The following SLC9B1 variants were observed in gnomAD, a reference collection of about 807,000 sequenced individuals.
The protein encoded by SLC9B1 is solute carrier family 9 member B1.
In SLC9B1, 32 loss-of-function variants were observed where a neutral mutation model predicts 51.7. That is an observed-to-expected ratio of 0.62 (90% CI 0.47 to 0.83). The LOEUF is 0.83. Among genes scored for constraint, SLC9B1 ranks in the 40% least tolerant of loss-of-function variants. The pLI is 0.00. For synonymous variants in SLC9B1, 145 were observed against 212.7 expected (o/e 0.68, Z 2.77); for missense variants, 406 against 613.2 (o/e 0.66, Z 3.57).
intron 2 of SLC9B1, 42 bp from the exon 3 acceptor site, chr4:102,989,983 G>C: frequency 2.7e-6 from 4 of 1,496,242 alleles, no homozygotes; most frequent in Non-Finnish European, 3.6e-6. Context: ...CATACTTTCT[G>C]TATAATTTTA....
chr4:102,947,401 G>A (rs1424086776), intron 4 of SLC9B1, among the ~76,000 whole-genome samples: 2 of 152,094 alleles, frequency 1.3e-5, no homozygotes, highest in Non-Finnish European at 2.9e-5. Context: ...TTGAGGACAG[G>A]GTCTCATTCT....
chr4:102,997,757 C>T (rs902169932), intron 1 of SLC9B1, among the ~76,000 whole-genome samples: 5 of 151,994 alleles, frequency 3.3e-5, no homozygotes, highest in Admixed American at 1.3e-4. Flanking sequence ...GATCTGTTGG[C>T]GATAAATTCC....
intron 3 of SLC9B1, among the ~76,000 whole-genome samples, chr4:102,986,592 A>G (rs1380530975): frequency 6.6e-6 from 1 of 151,884 alleles, no homozygotes. Context: ...TTTCCTTTTG[A>G]TATTCCCATT....
intron 3 of SLC9B1, among the ~76,000 whole-genome samples, chr4:102,983,624 A>G (rs1334305704): frequency 1.3e-5 from 2 of 152,162 alleles, no homozygotes; most frequent in Admixed American, 1.3e-4. Context: ...TGTGTCTTTC[A>G]AGGAATTGGT....
At chr4:102,973,944 G>C (rs1032397548) in intron 3 of SLC9B1, among the ~76,000 whole-genome samples, 2 of 152,086 alleles carry the variant, frequency 1.3e-5, no homozygotes, top group African/African-American at 4.8e-5. Context: ...AGTTTGGAAA[G>C]AGAAAAAGAG....
intron 3 of SLC9B1, among the ~76,000 whole-genome samples, chr4:102,960,825 C>T (rs1303759517): frequency 5.9e-5 from 9 of 151,614 alleles, no homozygotes; most frequent in East Asian, 3.9e-4. Flanking sequence ...CTCCGCCTCC[C>T]GGGTTCAAGC....
Position 102,991,663 on chromosome 4 carries a change from G to A in SLC9B1, c.49C>T (p.Gln17Ter), listed in dbSNP as rs1368378854. The change falls in exon 2 of 12, where the codon CAA becomes TAA. Residue 17 changes from glutamine (Q) to a stop codon, truncating the protein, a stop_gained. Transcript: ENST00000296422. LOFTEE classifies it high-confidence loss of function. Reference protein sequence around the residue: ...KNEHLEDENFQTSTTPQSLID... With the variant: ...KNEHLEDENF Reference sequence around the variant, plus strand: ...TTTACCTGAGGAGTTGTAGATGTTTGGAAGTTTTCATCCTCCAAATGTTCA... The same window carrying A: ...TTTACCTGAGGAGTTGTAGATGTTTAGAAGTTTTCATCCTCCAAATGTTCA... 1 of 1,588,666 alleles carries A rather than the reference G, an allele frequency of 6.3e-7. No homozygotes were observed. Among genetic ancestry groups the A allele is most frequent in the Non-Finnish European group, 8.6e-7 (1 of 1,165,734 alleles).
At chr4:102,994,545 C>T (rs192817570) in intron 1 of SLC9B1, among the ~76,000 whole-genome samples, 62 of 152,308 alleles carry the variant, frequency 4.1e-4, no homozygotes, top group African/African-American at 1.1e-3. Flanking sequence ...GTTCCAAAGT[C>T]GCTTCCACAT....
At chr4:102,975,586 ATT>A (rs1197166005) in intron 3 of SLC9B1, among the ~76,000 whole-genome samples, 17 of 62,302 alleles carry the variant, frequency 2.7e-4, no homozygotes, top group East Asian at 5.5e-4. Flanking sequence ...ATATATATAT[ATT>A]TTTTTTTTTT....
intron 3 of SLC9B1, among the ~76,000 whole-genome samples, chr4:102,953,803 A>AT: frequency 3.7e-5 from 1 of 27,220 alleles, no homozygotes. Flanking sequence ...AATGCTTGTG[A>AT]TTTTTGTACA....
intron 3 of SLC9B1, among the ~76,000 whole-genome samples, chr4:102,975,584 A>ATTTTTTTTTTTTTTTTTTTTTTT: frequency 1.2e-5 from 1 of 80,160 alleles, no homozygotes; most frequent in Non-Finnish European, 2.3e-5. Context: ...ATATATATAT[A>ATTTTTTTTTTTTTTTTTTTTTTT]TATTTTTTTT....
At chr4:102,983,809 G>A (rs966549376) in intron 3 of SLC9B1, among the ~76,000 whole-genome samples, 1 of 151,950 alleles carries the variant, frequency 6.6e-6, no homozygotes, top group Admixed American at 6.6e-5. Flanking sequence ...CTTATCAATT[G>A]TGTTGATCTT....
chr4:102,989,943 T>C lies in SLC9B1; in HGVS notation c.70-2A>G. On this transcript the variant is annotated splice_acceptor_variant, in intron 2 of 11. Coordinates refer to ENST00000296422, the MANE Select transcript of SLC9B1 (RefSeq NM_139173.4). LOFTEE classifies it high-confidence loss of function. ...AGTATTATTAGGATCAATGAGACTC[T>C]GTAGTAAAACAAGAAAATCTTTAAG... The C allele has an allele frequency of 6.4e-7, 1 of 1,572,454 alleles. No homozygotes were observed. Among genetic ancestry groups the C allele is most frequent in the Non-Finnish European group, 8.7e-7 (1 of 1,155,782 alleles).
At chr4:102,939,093 T>G (rs1736859822) in intron 6 of SLC9B1, among the ~76,000 whole-genome samples, 1 of 150,700 alleles carries the variant, frequency 6.6e-6, no homozygotes, top group Non-Finnish European at 1.5e-5. Flanking sequence ...TAAAAGCTGG[T>G]TCTTCGAGAG....
At chr4:102,928,839 G>T (rs1339604539) in intron 7 of SLC9B1, among the ~76,000 whole-genome samples, 1 of 152,088 alleles carries the variant, frequency 6.6e-6, no homozygotes, top group East Asian at 1.9e-4. Context: ...AGGCCTGAGA[G>T]TCCCTGGAAA....
chr4:102,939,343 T>C (rs1004254241), intron 6 of SLC9B1, among the ~76,000 whole-genome samples: 13 of 133,866 alleles, frequency 9.7e-5, no homozygotes, highest in African/African-American at 1.4e-4. Context: ...AGGAAGAAAC[T>C]GAAATCCTGA....
intron 6 of SLC9B1, among the ~76,000 whole-genome samples, chr4:102,943,503 G>T (rs9884397): frequency 8.4e-6 from 1 of 119,640 alleles, no homozygotes; most frequent in Non-Finnish European, 1.8e-5. Flanking sequence ...ATATGTGTAT[G>T]TATACACACA....
intron 5 of SLC9B1, among the ~76,000 whole-genome samples, chr4:102,946,334 G>A (rs962470446): frequency 1.3e-5 from 2 of 151,618 alleles, no homozygotes; most frequent in African/African-American, 4.8e-5. Flanking sequence ...TTTTTGAGAC[G>A]GAGTCTCGCT....
At chr4:102,954,062 G>C (rs1220337107) in intron 3 of SLC9B1, among the ~76,000 whole-genome samples, 1 of 46,112 alleles carries the variant, frequency 2.2e-5, no homozygotes, top group Non-Finnish European at 3.6e-5. Flanking sequence ...TTTTCAAAGG[G>C]AATGCTTCCA....
Sources: gnomAD v4.1 joint callset for allele counts (sites outside exome capture counted in the v4.1 genomes callset) on GRCh38, gnomAD v4.1.1 for gene constraint, MANE v1.5 for transcripts, NCBI Gene and HGNC (gene_info 2026-07-23, HGNC 2026-07-21) for gene names.